The following PIGN variants were observed in gnomAD, a reference collection of about 807,000 sequenced individuals.
The protein encoded by PIGN is GPI ethanolamine phosphate transferase 1.
PIGN carries 117 observed loss-of-function variants against 125.4 expected under a neutral mutation model. That is an observed-to-expected ratio of 0.93 (90% CI 0.80 to 1.09). The LOEUF (loss-of-function observed/expected upper bound fraction) is 1.09, where lower values mean the gene tolerates loss of function less well. Ranked by LOEUF, PIGN falls within the 50% of genes least tolerant of loss-of-function variation. PIGN has a pLI of 0.00. For synonymous variants in PIGN, 392 were observed against 377.8 expected (o/e 1.04, Z -0.44); for missense variants, 1,075 against 1,094.9 (o/e 0.98, Z 0.26).
In PIGN at chr18:62,157,693, C is replaced by A; in HGVS notation, c.337G>T (p.Ala113Ser). 2.5e-6 allele frequency: 4 copies of A among 1,610,024 alleles called. No individual in the cohort carries two copies. The highest frequency in any genetic ancestry group is 3.4e-6 in the Non-Finnish European group (4 of 1,177,992). The stretch of plus-strand genomic sequence containing the variant: ...TTGTCCAAATAGACAATACCTTTGG[C>A]AACTGCACTGACATCTTCATAAAAC... ...AGFYEDVSAV[A>S]KGWKENPVEF... Residue 113 changes from alanine to serine, a missense_variant, in exon 5 of 31, where the codon GCC becomes TCC. Ala to Ser is a moderately conservative substitution (Grantham distance 99, BLOSUM62 1). This residue lies in a region of PIGN where 152 missense variants were observed against 162.9 expected (regional missense o/e 0.93). Transcript: ENST00000640252.
intron 29 of PIGN, among the ~76,000 whole-genome samples, chr18:62,073,817 T>A (rs529851860): frequency 6.6e-6 from 1 of 152,340 alleles, no homozygotes; most frequent in South Asian, 2.1e-4. Flanking sequence ...CCGCTGGTGT[T>A]CATTCTCAGC....
At chr18:62,136,590 G>A (rs12607287) in intron 14 of PIGN, 48,977 of 151,992 alleles carry the variant, frequency 0.32, 8,734 homozygotes, top group East Asian at 0.55. Context: ...CTTGTGATCC[G>A]CCTGCCTCGG....
chr18:62,072,293 A>AG (rs1450598477), intron 30 of PIGN: 1 of 158,022 alleles, frequency 6.3e-6, no homozygotes, highest in Admixed American at 6.5e-5. Context: ...AAAGTAAAAA[A>AG]GGTTACTGTA....
At chr18:62,124,643 T>C (rs979471862) in intron 14 of PIGN, among the ~76,000 whole-genome samples, 2 of 152,200 alleles carry the variant, frequency 1.3e-5, no homozygotes, top group Admixed American at 6.5e-5. Flanking sequence ...TGAGGAGAGA[T>C]ATGGCCCCTG....
intron 14 of PIGN, among the ~76,000 whole-genome samples, chr18:62,124,883 GA>G (rs1465518256): frequency 3.9e-5 from 6 of 151,954 alleles, no homozygotes; most frequent in African/African-American, 1.5e-4. Flanking sequence ...ATAAACTATA[GA>G]AATACTTCTC....
At chr18:62,154,231 T>C (rs556483287) in intron 7 of PIGN, 89 of 382,774 alleles carry the variant, frequency 2.3e-4, no homozygotes, top group African/African-American at 1.7e-3. Flanking sequence ...ATATGGTCCA[T>C]TACTACAAGA....
chr18:62,180,522 T>C (rs956399217), intron 1 of PIGN, among the ~76,000 whole-genome samples: 26 of 152,184 alleles, frequency 1.7e-4, no homozygotes, highest in African/African-American at 6.3e-4. Flanking sequence ...ACTGTCATAT[T>C]TACCTTAAGA....
intron 23 of PIGN, among the ~76,000 whole-genome samples, chr18:62,034,492 A>G (rs545511323): frequency 6.6e-6 from 1 of 152,344 alleles, no homozygotes; most frequent in South Asian, 2.1e-4. Flanking sequence ...CCATGAAAGC[A>G]GACAGGACTG....
At chr18:62,164,047 T>C (rs1330064211) in intron 1 of PIGN, among the ~76,000 whole-genome samples, 1 of 152,220 alleles carries the variant, frequency 6.6e-6, no homozygotes, top group Non-Finnish European at 1.5e-5. Flanking sequence ...ACATTGCATG[T>C]ATATACCATG....
chr18:62,087,426 C>G (rs1422863606), intron 25 of PIGN, among the ~76,000 whole-genome samples: 1 of 152,190 alleles, frequency 6.6e-6, no homozygotes, highest in African/African-American at 2.4e-5. Flanking sequence ...TGATAGAGCA[C>G]TGCTACGTGC....
At chr18:62,177,242 C>T (rs1386115997) in intron 1 of PIGN, among the ~76,000 whole-genome samples, 1 of 152,054 alleles carries the variant, frequency 6.6e-6, no homozygotes, top group African/African-American at 2.4e-5. Context: ...ATTGCAATTG[C>T]CCCATTTTCA....
chr18:62,100,704 T>C (rs1221699327), intron 22 of PIGN, among the ~76,000 whole-genome samples: 1 of 152,222 alleles, frequency 6.6e-6, no homozygotes, highest in Admixed American at 6.5e-5. Flanking sequence ...GGGAAACAGA[T>C]AAAATTTAAA....
At chr18:62,141,251 T>C (rs1392547532) in intron 11 of PIGN, among the ~76,000 whole-genome samples, 1 of 152,230 alleles carries the variant, frequency 6.6e-6, no homozygotes, top group East Asian at 1.9e-4. Flanking sequence ...TTGATTCCTT[T>C]ATCAGTTAAA....
Position 62,148,342 on chromosome 18 carries a change from C to G in PIGN, c.550-4G>C, listed in dbSNP as rs1388776520. ...TTCTGGCATGATGAAAGAAGTCCTACATATAACAAATGAGTTAAAAATATT... is the reference window on the plus strand; with the variant it reads ...TTCTGGCATGATGAAAGAAGTCCTAGATATAACAAATGAGTTAAAAATATT... On this transcript the variant is annotated splice_region_variant and splice_polypyrimidine_tract_variant and intron_variant, in intron 7 of 30. Coordinates refer to ENST00000640252, the MANE Select transcript of PIGN (RefSeq NM_176787.5). 2 of 1,480,640 alleles carry G rather than the reference C, an allele frequency of 1.4e-6. No homozygotes were observed. Among genetic ancestry groups the G allele is most frequent in the East Asian group, 5.1e-5 (2 of 39,404 alleles). The allele number at this position is 1,480,640 out of a possible 1,614,324, so 91.7% of individuals were successfully genotyped here.
At chr18:62,063,194 T>C in intron 30 of PIGN, among the ~76,000 whole-genome samples, 1 of 151,930 alleles carries the variant, frequency 6.6e-6, no homozygotes, top group African/African-American at 2.4e-5. Context: ...GGCTATTTTC[T>C]AGAAATTTCT....
intron 8 of PIGN, 126 bp downstream of exon 8, chr18:62,148,087 TA>T: frequency 1.5e-6 from 1 of 665,012 alleles, no homozygotes; most frequent in South Asian, 2.4e-5. Context: ...GAGAACTTAA[TA>T]AACATTACAG....
intron 11 of PIGN, among the ~76,000 whole-genome samples, chr18:62,142,714 G>A (rs1193556487): frequency 6.6e-6 from 1 of 152,164 alleles, no homozygotes; most frequent in Non-Finnish European, 1.5e-5. Flanking sequence ...TCTACAAATA[G>A]TGAAGATGGC....
At chr18:62,157,923 A>T (rs531216711) in intron 4 of PIGN, 115 bp from the exon 5 acceptor site, 1 of 971,508 alleles carries the variant, frequency 1.0e-6, no homozygotes, top group African/African-American at 1.6e-5. Flanking sequence ...ACTTAAGTCA[A>T]AACTTAAGAA....
rs2030387940 is a variant in PIGN at position 62,041,695 on chromosome 18, GTGTGTGTGTGTT to G, written c.*4149_*4160del. On this transcript the variant is annotated 3_prime_UTR_variant, in exon 31 of 31. Coordinates refer to ENST00000640252, the MANE Select transcript of PIGN (RefSeq NM_176787.5). ...TGTGTGTGTGTGTGTGTGTGTGTGT[GTGTGTGTGTGTT>G]TAGTAGAGATGGGGTTTTGCCATCT... The G allele has an allele frequency of 6.6e-6, 1 of 150,530 alleles. No homozygotes were observed. Among genetic ancestry groups the G allele is most frequent in the East Asian group, 2.0e-4 (1 of 5,094 alleles). 9.3% of individuals were successfully genotyped at this position (150,530 alleles called of 1,614,324 possible).
Sources: allele counts gnomAD v4.1 joint callset (sites outside exome capture counted in the v4.1 genomes callset), GRCh38; gene constraint gnomAD v4.1.1; regional missense constraint gnomAD v4.1.1; transcripts MANE v1.5; gene names NCBI Gene and HGNC (gene_info 2026-07-23, HGNC 2026-07-21).